The following TLL1 variants were observed in gnomAD, a reference collection of about 807,000 sequenced individuals.
TLL1 encodes the protein tolloid-like protein 1.
In TLL1, 49 loss-of-function variants were observed where a neutral mutation model predicts 128.2. The observed-to-expected ratio is 0.38, with a 90% CI of 0.30 to 0.48. TLL1 has a LOEUF of 0.48. TLL1 is among the 20% of genes least tolerant of loss of function. The pLI is 0.96. For missense variants in TLL1, 1,123 were observed against 1,242.0 expected (o/e 0.90, Z 1.44); for synonymous variants, 454 against 418.8 (o/e 1.08, Z -1.03).
intron 1 of TLL1, among the ~76,000 whole-genome samples, chr4:165,906,528 T>C (rs1205046275): frequency 6.6e-6 from 1 of 152,132 alleles, no homozygotes; most frequent in Non-Finnish European, 1.5e-5. Flanking sequence ...TTTGGAGAAA[T>C]AGAGGAAATA....
intron 5 of TLL1, among the ~76,000 whole-genome samples, chr4:165,996,477 C>T (rs1297895119): frequency 2.6e-5 from 4 of 151,914 alleles, no homozygotes; most frequent in Non-Finnish European, 4.4e-5. Context: ...GGTGTGTTGG[C>T]GCGCACCTGT....
intron 12 of TLL1, chr4:166,044,513 C>T (rs1739373919): frequency 1.7e-6 from 2 of 1,173,460 alleles, no homozygotes; most frequent in African/African-American, 1.5e-5. Flanking sequence ...CCTTTTGTTA[C>T]CAAAAAAATA....
chr4:165,905,847 G>A (rs928391668), intron 1 of TLL1, among the ~76,000 whole-genome samples: 17 of 152,204 alleles, frequency 1.1e-4, no homozygotes, highest in South Asian at 4.1e-4. Flanking sequence ...TTTGAAAAGC[G>A]TCATCGGTTG....
chr4:165,913,032 G>A (rs1732610618), intron 1 of TLL1, among the ~76,000 whole-genome samples: 1 of 151,980 alleles, frequency 6.6e-6, no homozygotes, highest in African/African-American at 2.4e-5. Flanking sequence ...GAACTATGAA[G>A]CAATTACGTG....
intron 8 of TLL1, among the ~76,000 whole-genome samples, chr4:166,020,694 A>G (rs762109929): frequency 6.6e-6 from 1 of 152,104 alleles, no homozygotes; most frequent in Non-Finnish European, 1.5e-5. Flanking sequence ...CTATAATCCC[A>G]TGACCTTTTG....
At chr4:165,965,932 GC>G (rs1385919968) in intron 1 of TLL1, among the ~76,000 whole-genome samples, 4 of 152,276 alleles carry the variant, frequency 2.6e-5, no homozygotes, top group Middle Eastern at 3.4e-3. Flanking sequence ...TGTAATCCCA[GC>G]ACTTTGGGAG....
Position 165,989,864 on chromosome 4 carries a change from C to T in TLL1, c.280+373C>T, listed in dbSNP as rs1736558121. ...TTATCGTCACATCATCAGGAAGTGG[C>T]CATGTCAGAACCAGAATTCAATTCT... On this transcript the variant is annotated intron_variant, in intron 2 of 20. Coordinates refer to ENST00000061240, the MANE Select transcript of TLL1 (RefSeq NM_012464.5). Among the ~76,000 whole-genome samples the T allele has an allele frequency of 2.0e-5, 3 of 151,648 alleles. 1 individual carries two copies. The South Asian group carries it at 6.2e-4, about 31-fold the overall frequency.
At chr4:165,924,340 C>T (rs1733176178) in intron 1 of TLL1, among the ~76,000 whole-genome samples, 1 of 152,194 alleles carries the variant, frequency 6.6e-6, no homozygotes, top group African/African-American at 2.4e-5. Context: ...AAGTGCTACT[C>T]TGGTGAACAC....
At chr4:165,953,005 T>G (rs1052763200) in intron 1 of TLL1, among the ~76,000 whole-genome samples, 2 of 152,080 alleles carry the variant, frequency 1.3e-5, no homozygotes, top group African/African-American at 4.8e-5. Flanking sequence ...GGATTCAAAC[T>G]TTTTTTGGCA....
intron 1 of TLL1, among the ~76,000 whole-genome samples, chr4:165,884,221 G>T (rs1304470487): frequency 6.6e-6 from 1 of 152,252 alleles, no homozygotes; most frequent in South Asian, 2.1e-4. Context: ...GTAAATAGTT[G>T]TTTATGTATT....
chr4:165,974,977 A>G (rs1735807922), intron 1 of TLL1, among the ~76,000 whole-genome samples: 1 of 152,178 alleles, frequency 6.6e-6, no homozygotes, highest in Non-Finnish European at 1.5e-5. Flanking sequence ...AGCAGGTGTG[A>G]GAAGAGGAAT....
At chr4:166,017,792 A>G (rs147354572) in intron 8 of TLL1, among the ~76,000 whole-genome samples, 5,475 of 152,124 alleles carry the variant, frequency 0.036, 122 homozygotes, top group Middle Eastern at 0.058. Context: ...TGAAATAGTT[A>G]GCTTTGAGCC....
intron 1 of TLL1, among the ~76,000 whole-genome samples, chr4:165,877,471 G>A (rs1026975511): frequency 6.6e-6 from 1 of 152,196 alleles, no homozygotes; most frequent in Non-Finnish European, 1.5e-5. Flanking sequence ...AGGTCAGGAG[G>A]CTCCCAAGGG....
At chr4:166,036,676 T>TAA (rs1491157487) in intron 9 of TLL1, among the ~76,000 whole-genome samples, 1 of 152,116 alleles carries the variant, frequency 6.6e-6, no homozygotes, top group African/African-American at 2.4e-5. Flanking sequence ...TAAAGGACTC[T>TAA]GTGTTTTATG....
intron 9 of TLL1, among the ~76,000 whole-genome samples, chr4:166,029,780 A>G (rs1035039624): frequency 8.5e-5 from 13 of 152,088 alleles, no homozygotes; most frequent in African/African-American, 2.9e-4. Flanking sequence ...TGACTGGACT[A>G]TCTCACTTAG....
At chr4:166,014,657 C>A in intron 8 of TLL1, 97 bp downstream of exon 8, 2 of 1,571,506 alleles carry the variant, frequency 1.3e-6, no homozygotes, top group Non-Finnish European at 1.7e-6. Context: ...TTGTCTCCCT[C>A]CCTGTTGGCA....
chr4:166,043,461 A>G lies in TLL1; in HGVS notation c.1524+42A>G, dbSNP rs757449610. ...TATCTTCCTGGCAAATATTCTCCAT[A>G]AACGACAATGGCATTTAAGAGAATC... On this transcript the variant is annotated intron_variant, in intron 12 of 20. Coordinates refer to ENST00000061240, the MANE Select transcript of TLL1 (RefSeq NM_012464.5). 9 of 1,613,102 alleles carry G rather than the reference A, an allele frequency of 5.6e-6. No individual in the cohort carries two copies. In the African/African-American group the frequency reaches 9.3e-5, roughly 17 times the overall value.
chr4:165,881,794 C>T (rs1730979065), intron 1 of TLL1, among the ~76,000 whole-genome samples: 1 of 152,128 alleles, frequency 6.6e-6, no homozygotes, highest in African/African-American at 2.4e-5. Context: ...CAAGTATATG[C>T]ATTGTGACAG....
At chr4:166,028,004 G>GT (rs1738586306) in intron 9 of TLL1, among the ~76,000 whole-genome samples, 1 of 152,116 alleles carries the variant, frequency 6.6e-6, no homozygotes, top group Non-Finnish European at 1.5e-5. Flanking sequence ...AAATTGGAGT[G>GT]TTATAAGAAG....
Sources: allele counts gnomAD v4.1 joint callset (sites outside exome capture counted in the v4.1 genomes callset), GRCh38; gene constraint gnomAD v4.1.1; transcripts MANE v1.5; gene names NCBI Gene and HGNC (gene_info 2026-07-23, HGNC 2026-07-21).